The following FBXO44 variants were observed in gnomAD, a reference collection of about 807,000 sequenced individuals.
FBXO44 encodes F-box protein 44, also known as F-box only protein 44.
Under a neutral mutation model 33.5 loss-of-function variants are expected in FBXO44, and 25 were observed. The observed-to-expected ratio is 0.75, with a 90% CI of 0.54 to 1.04. The LOEUF is 1.04. FBXO44 is among the 50% of genes least tolerant of loss of function. FBXO44 has a pLI of 0.00. For synonymous variants in FBXO44, 147 were observed against 152.8 expected (o/e 0.96, Z 0.28); for missense variants, 311 against 344.0 (o/e 0.90, Z 0.76).
chr1:11,654,415 G>C, upstream of FBXO44: 1 of 1,309,182 alleles, frequency 7.6e-7, no homozygotes, highest in Non-Finnish European at 9.8e-7. Context: ...GCGAGTCCCG[G>C]CGCTGTCCGC....
chr1:11,656,486 G>T (rs1639813832), intron 2 of FBXO44, among the ~76,000 whole-genome samples: 1 of 147,740 alleles, frequency 6.8e-6, no homozygotes, highest in African/African-American at 2.5e-5. Flanking sequence ...TTTTTAGATG[G>T]AGTCTCGCTC....
chr1:11,656,221 G>A, intron 2 of FBXO44, 121 bp downstream of exon 2: 1 of 1,339,056 alleles, frequency 7.5e-7, no homozygotes, highest in Non-Finnish European at 1.0e-6. Flanking sequence ...TTCTCTCACA[G>A]TAACCCAAAG....
At chr1:11,654,534 G>A (rs1164879621), upstream of FBXO44, 1 of 423,154 alleles carries the variant, frequency 2.4e-6, no homozygotes, top group African/African-American at 2.1e-5. Flanking sequence ...CAGTCTGCTC[G>A]AGGCCCGGGG....
chr1:11,654,430 G>C, upstream of FBXO44: 1 of 1,259,764 alleles, frequency 7.9e-7, no homozygotes, highest in Non-Finnish European at 1.0e-6. Flanking sequence ...GTCCGCGTCT[G>C]TGTCGGTCCC....
intron 5 of FBXO44, among the ~76,000 whole-genome samples, chr1:11,660,289 G>A (rs980487481): frequency 6.6e-6 from 1 of 152,216 alleles, no homozygotes; most frequent in African/African-American, 2.4e-5. Flanking sequence ...AGCCTCCTGA[G>A]TAGCTGGGAT....
rs142346784 is a variant in FBXO44 at position 11,658,740 on chromosome 1, G to A, written c.493G>A (p.Ala165Thr). 1.7e-3 allele frequency: 2,787 copies of A among 1,613,884 alleles called. 4 individuals carry two copies. Among genetic ancestry groups the A allele is most frequent in the Middle Eastern group, 2.6e-3 (16 of 6,060 alleles). ...GGGCCCTCCCTCTCCCTGCAGGTTC[G>A]CAGCCAGGCCAGATTGCGGGTCCAA... ...RPDIEVKDWF[A>T]ARPDCGSKYQ... Residue 165 changes from alanine (A) to threonine (T), a missense_variant, in exon 5 of 6, where the codon GCA becomes ACA. Coordinates refer to ENST00000251547, the MANE Select transcript of FBXO44 (RefSeq NM_033182.7).
At chr1:11,656,709 C>T (rs760292546) in intron 2 of FBXO44, among the ~76,000 whole-genome samples, 5 of 152,120 alleles carry the variant, frequency 3.3e-5, no homozygotes, top group African/African-American at 7.2e-5. Context: ...GTGATCTGCC[C>T]GCCTTGGCCT....
At position 11,661,360 on chromosome 1, in the gene FBXO44, C is replaced by CCAGGT; in HGVS notation, c.*88_*92dup. 1 of 1,570,852 alleles carries CCAGGT rather than the reference C, an allele frequency of 6.4e-7. No homozygotes were observed. The highest frequency in any genetic ancestry group is 1.7e-5 in the Admixed American group (1 of 58,178). ...TGGGCTTGGGAAGGGGAGGTGGAGG[C>CCAGGT]CAGGTGTCCCCAGACCTCTAACCCT... On this transcript the variant is annotated 3_prime_UTR_variant, in exon 6 of 6. Transcript: ENST00000251547. The surrounding 1 kb of genome is among the most constrained non-coding windows in gnomAD (Gnocchi z 4.4).
intron 5 of FBXO44, among the ~76,000 whole-genome samples, chr1:11,659,644 C>T (rs1557663467): frequency 6.6e-6 from 1 of 151,928 alleles, no homozygotes; most frequent in East Asian, 1.9e-4. Flanking sequence ...TACAGGTGTG[C>T]ACCACCACTA....
chr1:11,655,515 C>G, intron 1 of FBXO44: 1 of 402,908 alleles, frequency 2.5e-6, no homozygotes. Context: ...GACTGGCCTA[C>G]TGAAAAAGGC....
chr1:11,660,449 C>T (rs990960371), intron 5 of FBXO44, among the ~76,000 whole-genome samples: 1 of 152,196 alleles, frequency 6.6e-6, no homozygotes. Flanking sequence ...CATGAGCCAC[C>T]GCGCCGGGCA....
At position 11,661,259 on chromosome 1, in the gene FBXO44, C is replaced by T. The variant is rs745529020; in HGVS notation, c.754C>T (p.Pro252Ser). The T allele has an allele frequency of 1.9e-6, 3 of 1,614,054 alleles. No homozygotes were observed. The highest frequency in any genetic ancestry group is 1.3e-5 in the African/African-American group (1 of 75,038). Residue 252 changes from proline to serine, a missense_variant, in exon 6 of 6, where the codon CCC becomes TCC. Transcript: ENST00000251547. The surrounding 1 kb of genome is among the most constrained non-coding windows in gnomAD (Gnocchi z 4.4). ...RVTNSSITIG[P>S]PLP The stretch of plus-strand genomic sequence containing the variant: ...CACCAACAGCAGCATCACCATCGGG[C>T]CCCCGCTGCCCTGACACCCCCTGAG...
chr1:11,658,742 AGCCAG>A lies in FBXO44; in HGVS notation c.501_505del (p.Pro168LeufsTer98). On this transcript the variant is annotated frameshift_variant, in exon 5 of 6. Coordinates refer to ENST00000251547, the MANE Select transcript of FBXO44 (RefSeq NM_033182.7). LOFTEE classifies it high-confidence loss of function. ...GCCCTCCCTCTCCCTGCAGGTTCGC[AGCCAG>A]GCCAGATTGCGGGTCCAAGTACCAG... The A allele has an allele frequency of 6.2e-7, 1 of 1,613,704 alleles. No homozygotes were observed. The highest frequency in any genetic ancestry group is 8.5e-7 in the Non-Finnish European group (1 of 1,179,882).
chr1:11,660,380 C>T (rs1388157360), intron 5 of FBXO44, among the ~76,000 whole-genome samples: 1 of 152,076 alleles, frequency 6.6e-6, no homozygotes, highest in Non-Finnish European at 1.5e-5. Context: ...GGCTGGTCTC[C>T]ATCTCCCGAC....
At chr1:11,658,132 A>C in intron 2 of FBXO44, 135 bp from the exon 3 acceptor site, 1 of 1,448,196 alleles carries the variant, frequency 6.9e-7, no homozygotes, top group Non-Finnish European at 9.4e-7. Flanking sequence ...GGGCACTGTG[A>C]TCTGCAGCGT....
chr1:11,661,148 A>G lies in FBXO44; in HGVS notation c.643A>G (p.Asn215Asp). ...CTGCCAGGTCTCCCACACATTCTCC[A>G]ACTACCCGCCCGGCGTCCGCTACAT... Reference protein sequence around the residue: ...KWREVSHTFSNYPPGVRYIWF... With the variant: ...KWREVSHTFSDYPPGVRYIWF... The change falls in exon 6 of 6, where the codon AAC (asparagine) becomes GAC (aspartate). Residue 215 changes from asparagine to aspartate, a missense_variant. Physicochemically the swap from Asn to Asp is conservative, Grantham distance 23 (BLOSUM62 1). Transcript: ENST00000251547. The surrounding 1 kb of genome is among the most constrained non-coding windows in gnomAD (Gnocchi z 4.4). The G allele has an allele frequency of 6.2e-7, 1 of 1,612,842 alleles. No homozygotes were observed. Among genetic ancestry groups the G allele is most frequent in the Non-Finnish European group, 8.5e-7 (1 of 1,179,260 alleles).
At chr1:11,656,920 G>A (rs538236376) in intron 2 of FBXO44, among the ~76,000 whole-genome samples, 2 of 152,302 alleles carry the variant, frequency 1.3e-5, no homozygotes, top group East Asian at 3.9e-4. Context: ...CTACTGACAT[G>A]GTCCCAGAAG....
rs1640257945 is a variant in FBXO44 at position 11,662,741 on chromosome 1, G to A, written c.*1468G>A. ...CATCTCATCTTGAATGGTAATCCTG[G>A]GTGTTTAGGGAGAGACCTGGTGGGA... On this transcript the variant is annotated 3_prime_UTR_variant, in exon 6 of 6. Transcript: ENST00000251547. 6.6e-6 allele frequency: 1 copy of A among 152,148 alleles called. No individual in the cohort carries two copies. Among genetic ancestry groups the A allele is most frequent in the Non-Finnish European group, 1.5e-5 (1 of 68,062 alleles). 9.4% of individuals were successfully genotyped at this position (152,148 alleles called of 1,614,324 possible).
At chr1:11,655,736 G>C in intron 1 of FBXO44, 70 bp from the exon 2 acceptor site, 1 of 1,515,868 alleles carries the variant, frequency 6.6e-7, no homozygotes. Flanking sequence ...AACAGGCTGG[G>C]AGAGGCACCA....
Sources: allele counts gnomAD v4.1 joint callset (sites outside exome capture counted in the v4.1 genomes callset), GRCh38; gene constraint gnomAD v4.1.1; non-coding constraint Gnocchi (gnomAD v3.1); transcripts MANE v1.5; gene names NCBI Gene and HGNC (gene_info 2026-07-23, HGNC 2026-07-21).